Variants in STON2 observed in about 807,000 individuals in gnomAD.
STON2 encodes the protein stonin-2.
Under a neutral mutation model 65.7 loss-of-function variants are expected in STON2, and 29 were observed. The ratio of observed to expected loss-of-function variants is 0.44; its 90% confidence interval spans 0.33 to 0.60. The LOEUF (loss-of-function observed/expected upper bound fraction) is 0.60, where lower values mean the gene tolerates loss of function less well. Ranked by LOEUF, STON2 falls within the 20% of genes least tolerant of loss-of-function variation. The probability of loss-of-function intolerance (pLI) is 0.03; values close to 1 mark genes in which losing one functional copy is unlikely to be tolerated. For missense variants in STON2, 1,054 were observed against 1,118.1 expected (o/e 0.94, Z 0.82); for synonymous variants, 404 against 414.2 (o/e 0.98, Z 0.30).
chr14:81,329,157 G>A (rs776734691), intron 4 of STON2, among the ~76,000 whole-genome samples: 27 of 152,198 alleles, frequency 1.8e-4, no homozygotes, highest in Non-Finnish European at 3.5e-4. Flanking sequence ...CACTGGTGTC[G>A]TTATAAGAAG....
intron 2 of STON2, chr14:81,412,948 GC>G: frequency 1.2e-6 from 1 of 847,168 alleles, no homozygotes; most frequent in Non-Finnish European, 1.9e-6. Context: ...CAGTCAGCCA[GC>G]CCCCTTCTCC....
At chr14:81,411,845 CA>C (rs1237996915) in intron 2 of STON2, among the ~76,000 whole-genome samples, 7 of 152,102 alleles carry the variant, frequency 4.6e-5, no homozygotes, top group African/African-American at 1.7e-4. Context: ...AAAAGACCTA[CA>C]AATAAGCAGA....
intron 3 of STON2, among the ~76,000 whole-genome samples, chr14:81,384,876 C>T (rs1899717851): frequency 6.6e-6 from 1 of 152,058 alleles, no homozygotes; most frequent in South Asian, 2.1e-4. Context: ...TAAATGTGCC[C>T]ATCCATGCAC....
At chr14:81,276,630 T>C (rs959650535) in intron 6 of STON2, among the ~76,000 whole-genome samples, 2 of 152,230 alleles carry the variant, frequency 1.3e-5, no homozygotes, top group Admixed American at 1.3e-4. Context: ...GAAGCTGCCC[T>C]GAAAAGCTGC....
chr14:81,281,550 G>A (rs939350340), intron 5 of STON2, among the ~76,000 whole-genome samples: 1 of 152,188 alleles, frequency 6.6e-6, no homozygotes, highest in African/African-American at 2.4e-5. Flanking sequence ...AAAACAAGCT[G>A]AAGTCCTTTT....
In STON2 at chr14:81,265,816, C is replaced by T. The variant is rs143391498; in HGVS notation, c.*2598G>A. 30 of 985,072 alleles carry T rather than the reference C, an allele frequency of 3.0e-5. No individual in the cohort carries two copies. In the African/African-American group the frequency reaches 3.7e-4, roughly 12 times the overall value. 61.0% of individuals were successfully genotyped at this position (985,072 alleles called of 1,614,324 possible). On this transcript the variant is annotated 3_prime_UTR_variant, in exon 8 of 8. Transcript: ENST00000614646. ...GGAAATGAGAATTTACCATGGGGGG[C>T]GGGGAAATAAGCTCCAACAAGCAAT...
intron 3 of STON2, among the ~76,000 whole-genome samples, chr14:81,384,296 G>A (rs757623453): frequency 5.3e-5 from 8 of 151,938 alleles, no homozygotes. Flanking sequence ...TGCCTAGGCT[G>A]GAGTGTAGTG....
At chr14:81,332,510 CA>C (rs1195390223) in intron 4 of STON2, among the ~76,000 whole-genome samples, 1 of 152,148 alleles carries the variant, frequency 6.6e-6, no homozygotes, top group Non-Finnish European at 1.5e-5. Context: ...CATTATTACT[CA>C]GATATTAAAA....
chr14:81,306,462 C>A (rs533920242), intron 5 of STON2, among the ~76,000 whole-genome samples: 1 of 152,028 alleles, frequency 6.6e-6, no homozygotes, highest in African/African-American at 2.4e-5. Context: ...TCATGGCATA[C>A]TACAGCCTGG....
Position 81,349,985 on chromosome 14 carries a change from C to CA in STON2, c.571+21002dup, listed in dbSNP as rs144052065. 4.6e-3 allele frequency among the ~76,000 whole-genome samples: 702 copies of CA among 152,218 alleles called. 3 individuals are homozygous for CA. Among genetic ancestry groups the CA allele is most frequent in the African/African-American group, 0.016 (673 of 41,548 alleles). On this transcript the variant is annotated intron_variant, in intron 4 of 7. Transcript: ENST00000614646. Reference sequence around the variant, plus strand: ...GTGAAATAAGATAGGCACAGAAAGACAAACGGGCAAGTTCTCACTCATTTG... The same window carrying CA: ...GTGAAATAAGATAGGCACAGAAAGACAAAACGGGCAAGTTCTCACTCATTTG...
chr14:81,280,631 A>G (rs988470855), intron 5 of STON2, among the ~76,000 whole-genome samples: 1 of 152,228 alleles, frequency 6.6e-6, no homozygotes, highest in African/African-American at 2.4e-5. Flanking sequence ...TAATTATACA[A>G]GGATGGGATG....
intron 2 of STON2, among the ~76,000 whole-genome samples, chr14:81,420,204 A>G (rs556258751): frequency 6.6e-6 from 1 of 152,342 alleles, no homozygotes; most frequent in East Asian, 1.9e-4. Flanking sequence ...GATTCAGTCC[A>G]GTGGCCCAGA....
At chr14:81,270,580 A>G (rs1269636308) in intron 7 of STON2, 90 bp downstream of exon 7, 2 of 1,610,330 alleles carry the variant, frequency 1.2e-6, no homozygotes, top group African/African-American at 2.7e-5. Flanking sequence ...AGGCGAACAT[A>G]GTAAGCATGG....
intron 2 of STON2, among the ~76,000 whole-genome samples, chr14:81,414,650 C>G (rs73341991): frequency 0.015 from 2,345 of 151,780 alleles, 53 homozygotes; most frequent in African/African-American, 0.051. Context: ...GAAGATGTTG[C>G]CAAAGAACTC....
intron 2 of STON2, among the ~76,000 whole-genome samples, chr14:81,424,029 A>G (rs183212685): frequency 9.2e-5 from 14 of 152,350 alleles, no homozygotes; most frequent in Admixed American, 2.6e-4. Flanking sequence ...GAGAGCAGGT[A>G]TGTTATGAAA....
intron 5 of STON2, among the ~76,000 whole-genome samples, chr14:81,302,612 CAT>C (rs1250932875): frequency 6.6e-6 from 1 of 152,214 alleles, no homozygotes; most frequent in African/African-American, 2.4e-5. Flanking sequence ...CACAGCTTTG[CAT>C]ATAAAGTTGA....
intron 4 of STON2, among the ~76,000 whole-genome samples, chr14:81,349,012 T>C (rs1173583461): frequency 2.6e-5 from 4 of 152,146 alleles, no homozygotes; most frequent in Non-Finnish European, 4.4e-5. Flanking sequence ...CTTCAATAAA[T>C]TGTGCTGTGA....
chr14:81,428,873 A>G (rs147206376), intron 1 of STON2, among the ~76,000 whole-genome samples: 86 of 152,380 alleles, frequency 5.6e-4, no homozygotes, highest in African/African-American at 2.1e-3. Context: ...TGGAAGGACT[A>G]TCAAGCTGGC....
chr14:81,385,100 A>ACTTTACATGTCCAAAACTAAGCT lies in STON2; in HGVS notation c.373+10793_373+10794insAGCTTAGTTTTGGACATGTAAAG, dbSNP rs1429981055. ...GCTCTCCCATAACTGTATTCCCAGC[A>ACTTTACATGTCCAAAACTAAGCT]CCTACATTTTTTTCTGCATGAATGA... On this transcript the variant is annotated intron_variant, in intron 3 of 7. Transcript: ENST00000614646. Among the ~76,000 whole-genome samples, 6 of 152,278 alleles carry ACTTTACATGTCCAAAACTAAGCT rather than the reference A, an allele frequency of 3.9e-5. No individual in the cohort carries two copies. The South Asian group carries it at 6.2e-4, about 16-fold the overall frequency.
Sources: gnomAD v4.1 joint callset for allele counts (sites outside exome capture counted in the v4.1 genomes callset) on GRCh38, gnomAD v4.1.1 for gene constraint, MANE v1.5 for transcripts, NCBI Gene and HGNC (gene_info 2026-07-23, HGNC 2026-07-21) for gene names.